Variants in KLKB1 observed in about 807,000 individuals in gnomAD.
KLKB1 encodes the protein plasma kallikrein.
In KLKB1, 58 loss-of-function variants were observed where a neutral mutation model predicts 73.6. The ratio of observed to expected loss-of-function variants is 0.79; its 90% CI spans 0.64 to 0.98. The LOEUF (loss-of-function observed/expected upper bound fraction) is 0.98, where lower values mean the gene tolerates loss of function less well. Ranked by LOEUF, KLKB1 falls within the 50% of genes least tolerant of loss-of-function variation. KLKB1 has a pLI of 0.00. For synonymous variants in KLKB1, 280 were observed against 258.1 expected, an observed-to-expected ratio of 1.08 and a Z score of -0.81; for missense variants, 737 against 763.8, an observed-to-expected ratio of 0.96 and a Z score of 0.41.
intron 6 of KLKB1, among the ~76,000 whole-genome samples, chr4:186,249,368 G>A (rs1263414000): frequency 6.6e-6 from 1 of 152,186 alleles, no homozygotes; most frequent in Non-Finnish European, 1.5e-5. Context: ...ATTCTTGCAT[G>A]TGGGTATTCA....
In KLKB1 at chr4:186,228,263, T is replaced by C. The variant is rs1486251989; in HGVS notation, c.58+10T>C. 2 of 1,568,228 alleles carry C rather than the reference T, an allele frequency of 1.3e-6. No individual in the cohort carries two copies. The highest frequency in any genetic ancestry group is 1.8e-6 in the Non-Finnish European group (2 of 1,138,404). On this transcript the variant is annotated intron_variant, in intron 2 of 14. Transcript: ENST00000264690. ...GCTACAGTTTCCTGTGGTAAGTGAA[T>C]TATCTATAAAACATGGAATTCAGGC...
chr4:186,215,921 ATGT>A lies in KLKB1; in HGVS notation c.201+6653_201+6655del, dbSNP rs1172648989. ...TTTTGACTCCCATCAATAATGCTTG[ATGT>A]TGTAGCCAGTGTTGGTTTATTATTA... On this transcript the variant is annotated intron_variant, in intron 2 of 14. Transcript: ENST00000511608. 2.6e-5 allele frequency among the ~76,000 whole-genome samples: 4 copies of A among 152,246 alleles called. No homozygotes were observed. In the East Asian group the frequency reaches 7.7e-4, roughly 29 times the overall value.
intron 5 of KLKB1, among the ~76,000 whole-genome samples, chr4:186,237,159 C>T (rs1400800214): frequency 1.3e-5 from 2 of 152,078 alleles, no homozygotes; most frequent in South Asian, 4.2e-4. Context: ...AGTGCAGTGG[C>T]GTAATCTCGA....
At chr4:186,228,070 A>G (rs148024051) in intron 1 of KLKB1, 125 bp from the exon 2 acceptor site, 7 of 667,998 alleles carry the variant, frequency 1.0e-5, no homozygotes, top group Middle Eastern at 3.6e-4. Flanking sequence ...TGTTTTCTAT[A>G]CCAGTAATTG....
At chr4:186,218,451 T>C (rs1183992370) in intron 2 of KLKB1, among the ~76,000 whole-genome samples, 1 of 152,234 alleles carries the variant, frequency 6.6e-6, no homozygotes, top group African/African-American at 2.4e-5. Context: ...ATAAACTGTG[T>C]GACCCTAAAA....
At chr4:186,245,466 G>T (rs909723174) in intron 6 of KLKB1, among the ~76,000 whole-genome samples, 1 of 152,204 alleles carries the variant, frequency 6.6e-6, no homozygotes, top group Non-Finnish European at 1.5e-5. Context: ...AGGCCAGTTA[G>T]ACAGTCCGAT....
intron 3 of KLKB1, among the ~76,000 whole-genome samples, chr4:186,232,533 T>G (rs771423082): frequency 2.6e-5 from 4 of 152,198 alleles, no homozygotes; most frequent in Non-Finnish European, 5.9e-5. Context: ...TTTAAAGTAG[T>G]AGAAGCTAGT....
upstream of KLKB1, among the ~76,000 whole-genome samples, chr4:186,224,933 G>T (rs1737120350): frequency 6.6e-6 from 1 of 152,200 alleles, no homozygotes; most frequent in Non-Finnish European, 1.5e-5. Context: ...GGATCATGGA[G>T]GTGGTTTCCC....
chr4:186,243,411 T>C (rs1738159485), intron 6 of KLKB1, among the ~76,000 whole-genome samples: 1 of 151,986 alleles, frequency 6.6e-6, no homozygotes, highest in Non-Finnish European at 1.5e-5. Context: ...TAGGTGGAAG[T>C]TTCAATGGGG....
In KLKB1 at chr4:186,235,394, CAA is replaced by C. The variant is rs553898039; in HGVS notation, c.328+1337_328+1338del. Among the ~76,000 whole-genome samples, 80 of 152,286 alleles carry C rather than the reference CAA, an allele frequency of 5.3e-4. No individual in the cohort carries two copies. The South Asian group carries it at 5.4e-3, about 10-fold the overall frequency. On this transcript the variant is annotated intron_variant, in intron 4 of 14. Transcript: ENST00000264690. ...CCCAAGTACATAAAATCTCTACACT[CAA>C]GAACAATTCTAGTCAAAAGCATTTA... is the stretch of plus-strand genomic sequence containing the variant.
chr4:186,256,880 A>G (rs1335147823), intron 13 of KLKB1, among the ~76,000 whole-genome samples: 1 of 152,144 alleles, frequency 6.6e-6, no homozygotes, highest in Non-Finnish European at 1.5e-5. Flanking sequence ...GGCAGAAAAC[A>G]TGGAAGCAAG....
At chr4:186,253,934 C>G (rs1315361132) in intron 11 of KLKB1, among the ~76,000 whole-genome samples, 1 of 152,152 alleles carries the variant, frequency 6.6e-6, no homozygotes, top group Non-Finnish European at 1.5e-5. Context: ...CTCCCGGGTT[C>G]AAGCGATTCT....
At chr4:186,218,550 A>G (rs1736960675) in intron 2 of KLKB1, among the ~76,000 whole-genome samples, 1 of 152,062 alleles carries the variant, frequency 6.6e-6, no homozygotes, top group South Asian at 2.1e-4. Context: ...TACTGTGTAC[A>G]AGATAGTGTT....
At chr4:186,238,120 A>C in intron 5 of KLKB1, 136 bp from the exon 6 acceptor site, 1 of 704,582 alleles carries the variant, frequency 1.4e-6, no homozygotes, top group Non-Finnish European at 2.6e-6. Context: ...CATTAGGTTA[A>C]TAATGCAGAC....
At chr4:186,226,663 A>T (rs991748729), upstream of KLKB1, among the ~76,000 whole-genome samples, 1 of 152,180 alleles carries the variant, frequency 6.6e-6, no homozygotes, top group Non-Finnish European at 1.5e-5. Flanking sequence ...GTTCATGGGG[A>T]TAGGCCTGTT....
At chr4:186,254,912 G>A (rs1417146458) in intron 12 of KLKB1, 149 bp downstream of exon 12, 6 of 659,122 alleles carry the variant, frequency 9.1e-6, no homozygotes, top group Non-Finnish European at 1.6e-5. Flanking sequence ...GGGAAGTGAA[G>A]ACCCCGCGAC....
At chr4:186,213,018 TTA>T (rs1736779906) in intron 2 of KLKB1, 1 of 152,244 alleles carries the variant, frequency 6.6e-6, no homozygotes, top group Admixed American at 6.5e-5. Context: ...GAAATTGGTA[TTA>T]TCTCTGTTTT....
At chr4:186,246,603 G>C (rs945260593) in intron 6 of KLKB1, among the ~76,000 whole-genome samples, 2 of 152,184 alleles carry the variant, frequency 1.3e-5, no homozygotes, top group Admixed American at 6.5e-5. Flanking sequence ...GTGAGTTGAA[G>C]AGGTTTTAAG....
chr4:186,253,377 G>A (rs1046550996), intron 11 of KLKB1, among the ~76,000 whole-genome samples: 1 of 152,174 alleles, frequency 6.6e-6, no homozygotes, highest in Non-Finnish European at 1.5e-5. Context: ...ACATGTGGGT[G>A]GAGCAAGACC....
Sources: allele counts gnomAD v4.1 joint callset (sites outside exome capture counted in the v4.1 genomes callset), GRCh38; gene constraint gnomAD v4.1.1; transcripts MANE v1.5; gene names NCBI Gene and HGNC (gene_info 2026-07-23, HGNC 2026-07-21).